Variants in MACROD2 observed in about 807,000 individuals in gnomAD.
MACROD2 encodes the protein ADP-ribose glycohydrolase MACROD2.
A neutral mutation model predicts 70.4 loss-of-function variants in MACROD2; 36 were observed. The ratio of observed to expected loss-of-function variants is 0.51; its 90% CI spans 0.39 to 0.68. MACROD2 has a LOEUF of 0.68. Ranked by LOEUF, MACROD2 falls within the 30% of genes least tolerant of loss-of-function variation. The pLI is 0.00. For synonymous variants in MACROD2, 172 were observed against 178.8 expected (o/e 0.96, Z 0.30); for missense variants, 496 against 538.4 (o/e 0.92, Z 0.78).
intron 3 of MACROD2, among the ~76,000 whole-genome samples, chr20:14,179,120 A>C (rs1055097379): frequency 6.6e-6 from 1 of 152,178 alleles, no homozygotes; most frequent in African/African-American, 2.4e-5. Context: ...GAGATCATTG[A>C]CTGATATCAG....
intron 9 of MACROD2, among the ~76,000 whole-genome samples, chr20:15,870,918 C>T (rs1009425998): frequency 6.6e-6 from 1 of 152,106 alleles, no homozygotes; most frequent in Non-Finnish European, 1.5e-5. Context: ...GTGGCTCACG[C>T]CTGCAATCCC....
At chr20:15,653,269 G>T (rs1438188635) in intron 8 of MACROD2, among the ~76,000 whole-genome samples, 3 of 152,068 alleles carry the variant, frequency 2.0e-5, no homozygotes, top group African/African-American at 7.2e-5. Flanking sequence ...ATAATTTTTG[G>T]TCACTTATTC....
At chr20:15,423,778 G>A (rs2046260825) in intron 6 of MACROD2, among the ~76,000 whole-genome samples, 1 of 151,768 alleles carries the variant, frequency 6.6e-6, no homozygotes, top group African/African-American at 2.4e-5. Context: ...ATGGATTTAG[G>A]GCATGGACAC....
chr20:14,993,370 G>A (rs918789444), intron 5 of MACROD2, among the ~76,000 whole-genome samples: 1 of 151,640 alleles, frequency 6.6e-6, no homozygotes, highest in African/African-American at 2.4e-5. Flanking sequence ...CTGGGATAAA[G>A]TTTTGGGGTA....
intron 3 of MACROD2, among the ~76,000 whole-genome samples, chr20:14,098,267 C>T (rs2054255172): frequency 6.6e-6 from 1 of 152,202 alleles, no homozygotes; most frequent in African/African-American, 2.4e-5. Context: ...CTGTGTCCTT[C>T]AGCTTTAGCT....
At chr20:15,560,696 G>A (rs1470384621) in intron 8 of MACROD2, among the ~76,000 whole-genome samples, 1 of 136,100 alleles carries the variant, frequency 7.3e-6, no homozygotes, top group African/African-American at 2.8e-5. Context: ...CTGGAAGGCA[G>A]AGGTTGCAGC....
intron 4 of MACROD2, among the ~76,000 whole-genome samples, chr20:14,668,467 A>G (rs1011488809): frequency 4.6e-5 from 7 of 152,166 alleles, no homozygotes; most frequent in African/African-American, 1.4e-4. Context: ...CTCCACTGAC[A>G]TTCAAATAAC....
intron 3 of MACROD2, among the ~76,000 whole-genome samples, chr20:14,092,227 A>G (rs1351451705): frequency 2.0e-5 from 3 of 151,906 alleles, no homozygotes; most frequent in African/African-American, 7.3e-5. Flanking sequence ...CAGCATCATC[A>G]TTATTTTAAT....
chr20:15,689,513 G>A (rs559579033), intron 8 of MACROD2, among the ~76,000 whole-genome samples: 1 of 152,120 alleles, frequency 6.6e-6, no homozygotes, highest in African/African-American at 2.4e-5. Context: ...GAAGGAGAAG[G>A]TTATATTTGA....
chr20:14,089,191 G>A (rs1178477025), intron 3 of MACROD2, among the ~76,000 whole-genome samples: 1 of 152,178 alleles, frequency 6.6e-6, no homozygotes, highest in East Asian at 1.9e-4. Flanking sequence ...CATCTCACAA[G>A]GATAGTCTCA....
At chr20:15,947,750 C>T (rs2065844949) in intron 12 of MACROD2, among the ~76,000 whole-genome samples, 1 of 152,132 alleles carries the variant, frequency 6.6e-6, no homozygotes, top group African/African-American at 2.4e-5. Flanking sequence ...TTCTATAATG[C>T]TGTTGATGAT....
chr20:15,590,971 G>GAAAGA (rs1555844868), intron 8 of MACROD2, among the ~76,000 whole-genome samples: 3 of 150,986 alleles, frequency 2.0e-5, no homozygotes, highest in Non-Finnish European at 4.4e-5. Context: ...AAGAAAGAAA[G>GAAAGA]AAAGAAAGAA....
At chr20:14,244,943 A>T (rs111781123) in intron 3 of MACROD2, among the ~76,000 whole-genome samples, 1 of 152,206 alleles carries the variant, frequency 6.6e-6, no homozygotes, top group African/African-American at 2.4e-5. Context: ...CATTTTGTTT[A>T]TTGAGCCTGA....
rs180835655 is a variant in MACROD2, at chr20:14,772,666, G to C, written c.418+87707G>C. ...AAGATGAGATTTCGGTGGGGACACA[G>C]AGCCAAACCATAGCAGTACACAAAA... On this transcript the variant is annotated intron_variant, in intron 5 of 17. Transcript: ENST00000684519. Among the ~76,000 whole-genome samples the C allele has an allele frequency of 1.9e-3, 296 of 152,142 alleles. 8 individuals are homozygous for C. The highest frequency in any genetic ancestry group is 0.019 in the Admixed American group (284 of 15,266).
intron 5 of MACROD2, among the ~76,000 whole-genome samples, chr20:15,075,041 G>A (rs2075647696): frequency 6.6e-6 from 1 of 152,182 alleles, no homozygotes; most frequent in African/African-American, 2.4e-5. Flanking sequence ...GTGAGGAGGT[G>A]AAAGGAGTTC....
intron 16 of MACROD2, among the ~76,000 whole-genome samples, chr20:16,043,370 G>A (rs754755695): frequency 6.6e-6 from 1 of 152,004 alleles, no homozygotes; most frequent in Non-Finnish European, 1.5e-5. Flanking sequence ...CTGTGTTTTG[G>A]TTGCCTAGGC....
chr20:14,739,312 A>G (rs906932362), intron 5 of MACROD2, among the ~76,000 whole-genome samples: 1 of 152,026 alleles, frequency 6.6e-6, no homozygotes, highest in Non-Finnish European at 1.5e-5. Flanking sequence ...GGAGAAAGCA[A>G]AATATGTATG....
At position 14,515,469 on chromosome 20, in the gene MACROD2, A is replaced by ACACGCGCGTGCGCG. The variant is rs759399680; in HGVS notation, c.301+21964_301+21965insGCGCGTGCGCGCAC. Among the ~76,000 whole-genome samples the ACACGCGCGTGCGCG allele has an allele frequency of 2.9e-3, 423 of 143,728 alleles. 1 individual carries two copies. The highest frequency in any genetic ancestry group is 0.01 in the African/African-American group (389 of 37,676). The allele number at this position is 143,728 out of a possible 152,430, so 94.3% of individuals were successfully genotyped here. ...ATATGTGAGATACACACACACGCACACACACACACACACACACACACACAC... is the reference window on the plus strand; with the variant it reads ...ATATGTGAGATACACACACACGCACACACGCGCGTGCGCGCACACACACACACACACACACACAC... On this transcript the variant is annotated intron_variant, in intron 4 of 17. Coordinates refer to ENST00000684519, the MANE Select transcript of MACROD2 (RefSeq NM_001351661.2).
At chr20:14,652,872 C>T (rs1321396330) in intron 4 of MACROD2, among the ~76,000 whole-genome samples, 1 of 152,194 alleles carries the variant, frequency 6.6e-6, no homozygotes, top group Admixed American at 6.5e-5. Flanking sequence ...TTGCCTCACA[C>T]TTAGGCTTCC....
Sources: gnomAD v4.1 joint callset for allele counts (sites outside exome capture counted in the v4.1 genomes callset) on GRCh38, gnomAD v4.1.1 for gene constraint, MANE v1.5 for transcripts, NCBI Gene and HGNC (gene_info 2026-07-23, HGNC 2026-07-21) for gene names.